SYN3: variants seen among roughly 807,000 people sequenced by gnomAD.
SYN3 encodes synapsin-3.
Under a neutral mutation model 65.8 loss-of-function variants are expected in SYN3, and 35 were observed. The ratio of observed to expected loss-of-function variants is 0.53; its 90% confidence interval spans 0.41 to 0.70. The LOEUF is 0.70. Among genes scored for constraint, SYN3 ranks in the 30% least tolerant of loss-of-function variants. SYN3 has a pLI of 0.00. For synonymous variants in SYN3, 270 were observed against 292.9 expected (o/e 0.92, Z 0.80); for missense variants, 680 against 749.0 (o/e 0.91, Z 1.08).
chr22:32,883,040 T>C (rs753632912), intron 4 of SYN3, among the ~76,000 whole-genome samples: 24 of 152,130 alleles, frequency 1.6e-4, no homozygotes, highest in Non-Finnish European at 3.4e-4. Context: ...CGAGTGGTGA[T>C]GTTGAATTTA....
chr22:32,973,155 A>T (rs2052073186), intron 3 of SYN3, among the ~76,000 whole-genome samples: 1 of 152,220 alleles, frequency 6.6e-6, no homozygotes, highest in Admixed American at 6.5e-5. Context: ...TCCATTTGTA[A>T]TCAATCCTCC....
chr22:33,036,649 A>AT (rs150456448), intron 1 of SYN3, among the ~76,000 whole-genome samples: 1 of 143,252 alleles, frequency 7.0e-6, no homozygotes, highest in Non-Finnish European at 1.5e-5. Context: ...GTCTAAAAAA[A>AT]TTTTTTTAAA....
At position 32,882,421 on chromosome 22, in the gene SYN3, C is replaced by T. The variant is rs560069331; in HGVS notation, c.462-13296G>A. On this transcript the variant is annotated intron_variant, in intron 4 of 13. Coordinates refer to ENST00000358763, the MANE Select transcript of SYN3 (RefSeq NM_003490.4). Reference sequence around the variant, plus strand: ...CATTAAAAAAAATCTAAAACAAATTCGGCTAAATGTTAAGATTTGACAAAC... The same window carrying T: ...CATTAAAAAAAATCTAAAACAAATTTGGCTAAATGTTAAGATTTGACAAAC... Among the ~76,000 whole-genome samples the T allele has an allele frequency of 5.3e-5, 8 of 152,200 alleles. 1 individual carries two copies. The highest frequency in any genetic ancestry group is 3.9e-4 in the East Asian group (2 of 5,178).
At chr22:32,876,595 T>TAAA (rs34952677) in intron 4 of SYN3, among the ~76,000 whole-genome samples, 150 of 139,272 alleles carry the variant, frequency 1.1e-3, no homozygotes, top group Admixed American at 2.4e-3. Context: ...CCTGCATTGT[T>TAAA]AAAAAAAAAA....
Position 32,523,335 on chromosome 22 carries a change from G to A in SYN3, c.1318+4583C>T, listed in dbSNP as rs143044206. On this transcript the variant is annotated intron_variant, in intron 12 of 13. Transcript: ENST00000358763. ...AGACCATCATGGCCAACATGGTGAC[G>A]TCCCTTCTCTACTGAAAATACAAAA... Among the ~76,000 whole-genome samples the A allele has an allele frequency of 3.5e-3, 536 of 152,180 alleles. 2 individuals are homozygous for A. Among genetic ancestry groups the A allele is most frequent in the Non-Finnish European group, 6.3e-3 (427 of 68,004 alleles).
intron 3 of SYN3, among the ~76,000 whole-genome samples, chr22:32,942,940 A>T (rs1373436344): frequency 6.6e-6 from 1 of 152,196 alleles, no homozygotes; most frequent in Non-Finnish European, 1.5e-5. Context: ...GAAATATGGG[A>T]CTATGTGAAA....
At chr22:32,806,147 G>T (rs1356135079) in intron 6 of SYN3, among the ~76,000 whole-genome samples, 1 of 151,990 alleles carries the variant, frequency 6.6e-6, no homozygotes, top group Non-Finnish European at 1.5e-5. Flanking sequence ...ATCAGTTAGG[G>T]CTCCCCAGTG....
intron 7 of SYN3, among the ~76,000 whole-genome samples, chr22:32,547,388 C>T (rs1308586032): frequency 1.3e-5 from 2 of 152,092 alleles, no homozygotes; most frequent in East Asian, 1.9e-4. Context: ...TCCAGCCTCT[C>T]CCTTCCACCT....
chr22:32,959,951 C>T (rs2051595878), intron 3 of SYN3, among the ~76,000 whole-genome samples: 1 of 152,164 alleles, frequency 6.6e-6, no homozygotes, highest in African/African-American at 2.4e-5. Context: ...ACGCATCAAA[C>T]AGAGCAGTAA....
intron 6 of SYN3, among the ~76,000 whole-genome samples, chr22:32,760,082 G>A (rs1464740296): frequency 9.4e-6 from 1 of 106,776 alleles, no homozygotes; most frequent in Non-Finnish European, 1.9e-5. Flanking sequence ...CCCACCACCA[G>A]CCAGCACCCA....
intron 6 of SYN3, among the ~76,000 whole-genome samples, chr22:32,725,988 C>G (rs2061185340): frequency 6.6e-6 from 1 of 152,160 alleles, no homozygotes; most frequent in South Asian, 2.1e-4. Flanking sequence ...GCTCTGGCTC[C>G]TTCCTGGTAC....
At chr22:32,657,261 C>G (rs1000540735) in intron 6 of SYN3, among the ~76,000 whole-genome samples, 4 of 152,130 alleles carry the variant, frequency 2.6e-5, no homozygotes, top group Admixed American at 2.6e-4. Context: ...GTAGCTGGGA[C>G]TACAGGCACC....
chr22:32,750,254 C>T (rs1261528089), intron 6 of SYN3, among the ~76,000 whole-genome samples: 2 of 152,166 alleles, frequency 1.3e-5, no homozygotes, highest in African/African-American at 4.8e-5. Flanking sequence ...TTCAACAGTG[C>T]AGCCAGGGAA....
intron 7 of SYN3, among the ~76,000 whole-genome samples, chr22:32,559,824 C>T (rs913480557): frequency 1.4e-5 from 2 of 143,050 alleles, no homozygotes; most frequent in South Asian, 4.5e-4. Context: ...AGCGAGACTC[C>T]GTCTCAACAA....
intron 2 of SYN3, among the ~76,000 whole-genome samples, chr22:32,981,769 AATT>A (rs1413970123): frequency 1.3e-5 from 2 of 152,166 alleles, no homozygotes; most frequent in Non-Finnish European, 2.9e-5. Context: ...TAAATATGTA[AATT>A]ATTATGTATC....
chr22:32,792,156 T>C (rs1422113796), intron 6 of SYN3, among the ~76,000 whole-genome samples: 1 of 152,196 alleles, frequency 6.6e-6, no homozygotes, highest in Non-Finnish European at 1.5e-5. Context: ...GAGGTATGCA[T>C]CTCTCCTCCC....
At chr22:32,601,091 G>A (rs1200930305) in intron 6 of SYN3, among the ~76,000 whole-genome samples, 2 of 152,180 alleles carry the variant, frequency 1.3e-5, no homozygotes. Flanking sequence ...AAATGAAATT[G>A]GAGGAATGTG....
intron 6 of SYN3, among the ~76,000 whole-genome samples, chr22:32,753,172 AAAACC>A (rs2145667916): frequency 6.6e-6 from 1 of 152,246 alleles, no homozygotes. Flanking sequence ...TTCCCCCCAG[AAAACC>A]AAACAGTAGA....
At chr22:32,836,346 G>C (rs760351460) in intron 6 of SYN3, among the ~76,000 whole-genome samples, 1 of 152,142 alleles carries the variant, frequency 6.6e-6, no homozygotes, top group Non-Finnish European at 1.5e-5. Flanking sequence ...AGAGTAGTTG[G>C]TCTTCTCCTT....
Sources: allele counts gnomAD v4.1 joint callset (sites outside exome capture counted in the v4.1 genomes callset), GRCh38; gene constraint gnomAD v4.1.1; transcripts MANE v1.5; gene names NCBI Gene and HGNC (gene_info 2026-07-23, HGNC 2026-07-21).